LIPC: variants seen among roughly 807,000 people sequenced by gnomAD.
LIPC encodes the protein lipase C, hepatic type, also known as hepatic triacylglycerol lipase.
In LIPC, 44 loss-of-function variants were observed where a neutral mutation model predicts 50.7. That is an observed-to-expected ratio of 0.87 (90% CI 0.68 to 1.11). The LOEUF (loss-of-function observed/expected upper bound fraction) is 1.11, where lower values mean the gene tolerates loss of function less well. LIPC is among the 50% of genes most tolerant of loss of function. The pLI, the probability that LIPC is intolerant of heterozygous loss-of-function variation, is 0.00. For synonymous variants in LIPC, 271 were observed against 256.4 expected (o/e 1.06, Z -0.54); for missense variants, 697 against 648.2 (o/e 1.08, Z -0.82).
intron 1 of LIPC, among the ~76,000 whole-genome samples, chr15:58,447,144 T>A: frequency 2.1e-5 from 1 of 47,148 alleles, no homozygotes; most frequent in Non-Finnish European, 3.6e-5. Flanking sequence ...CTAGACTCCA[T>A]CTCAAAAAAA....
intron 1 of LIPC, among the ~76,000 whole-genome samples, chr15:58,504,517 C>T (rs561273148): frequency 6.6e-6 from 1 of 152,292 alleles, no homozygotes; most frequent in African/African-American, 2.4e-5. Context: ...CAGCACTCAA[C>T]AGGCCAAAAC....
chr15:58,506,667 T>G (rs1269216105), intron 1 of LIPC, among the ~76,000 whole-genome samples: 1 of 152,206 alleles, frequency 6.6e-6, no homozygotes, highest in African/African-American at 2.4e-5. Flanking sequence ...GTATTCTCCC[T>G]GAAGACACAG....
rs1391248827 is a variant in LIPC at position 58,567,214 on chromosome 15, A to AAAAAT, written c.1389-1501_1389-1500insAAATA. On this transcript the variant is annotated intron_variant, in intron 8 of 8. Coordinates refer to ENST00000299022, the MANE Select transcript of LIPC (RefSeq NM_000236.3). ...AGACTCCGTCTCAAAAAAAATAAAA[A>AAAAAT]ATATATATATATATATGTATATATG... 6.6e-5 allele frequency among the ~76,000 whole-genome samples: 9 copies of AAAAAT among 136,744 alleles called. 1 individual carries two copies. Among genetic ancestry groups the AAAAAT allele is most frequent in the African/African-American group, 2.2e-4 (8 of 36,788 alleles). The allele number at this position is 136,744 out of a possible 152,430, so 89.7% of individuals were successfully genotyped here.
chr15:58,491,230 C>G lies in LIPC; in HGVS notation c.89-47103C>G, dbSNP rs1372466089. 2.6e-5 allele frequency among the ~76,000 whole-genome samples: 4 copies of G among 152,182 alleles called. No homozygotes were observed. In the South Asian group the frequency reaches 8.3e-4, roughly 32 times the overall value. Reference sequence around the variant, plus strand: ...ACTGGCCTTTCATGAAATGACAGCACCTGCCAAACACAATAGGGAAATAGT... The same window carrying G: ...ACTGGCCTTTCATGAAATGACAGCAGCTGCCAAACACAATAGGGAAATAGT... On this transcript the variant is annotated intron_variant, in intron 1 of 8. Transcript: ENST00000299022.
chr15:58,434,496 G>A (rs551959460), intron 1 of LIPC, among the ~76,000 whole-genome samples: 1 of 152,322 alleles, frequency 6.6e-6, no homozygotes, highest in East Asian at 1.9e-4. Flanking sequence ...GGGCAGAGCA[G>A]GGAGAGGTAC....
intron 1 of LIPC, among the ~76,000 whole-genome samples, chr15:58,500,549 G>A (rs561690302): frequency 1.4e-4 from 22 of 152,254 alleles, no homozygotes; most frequent in African/African-American, 5.1e-4. Context: ...TCACTTGAGG[G>A]CTGGGAGAAG....
intron 1 of LIPC, among the ~76,000 whole-genome samples, chr15:58,433,819 G>A (rs755084945): frequency 3.9e-5 from 6 of 152,304 alleles, no homozygotes; most frequent in African/African-American, 1.4e-4. Context: ...TAGCAAGAGG[G>A]TTCCTCAGAA....
At position 58,489,491 on chromosome 15, in the gene LIPC, T is replaced by C. The variant is rs548330767; in HGVS notation, c.89-48842T>C. ...ATGGGTGCTGCAGATTGGTTGGGGA[T>C]GAAATCATAGGGTTATGGAAAACGG... is the stretch of plus-strand genomic sequence containing the variant. On this transcript the variant is annotated intron_variant, in intron 1 of 8. Coordinates refer to ENST00000299022, the MANE Select transcript of LIPC (RefSeq NM_000236.3). Among the ~76,000 whole-genome samples the C allele has an allele frequency of 1.6e-3, 248 of 152,138 alleles. 1 individual carries two copies. Among genetic ancestry groups the C allele is most frequent in the Non-Finnish European group, 2.2e-3 (151 of 68,002 alleles).
intron 1 of LIPC, among the ~76,000 whole-genome samples, chr15:58,444,820 C>G (rs1893632974): frequency 6.6e-6 from 1 of 152,220 alleles, no homozygotes; most frequent in East Asian, 1.9e-4. Flanking sequence ...CCATTACACC[C>G]AGCAAACACT....
At chr15:58,444,688 C>A (rs1566908797) in intron 1 of LIPC, among the ~76,000 whole-genome samples, 3 of 152,152 alleles carry the variant, frequency 2.0e-5, no homozygotes. Flanking sequence ...TAAGGCCCAC[C>A]CCAGTGACCT....
chr15:58,491,290 G>A (rs937257832), intron 1 of LIPC, among the ~76,000 whole-genome samples: 1 of 152,154 alleles, frequency 6.6e-6, no homozygotes, highest in East Asian at 1.9e-4. Flanking sequence ...AGTGGTCAGA[G>A]CATGGGAATT....
intron 6 of LIPC, among the ~76,000 whole-genome samples, chr15:58,557,589 G>A (rs1894001066): frequency 6.6e-6 from 1 of 151,912 alleles, no homozygotes; most frequent in South Asian, 2.1e-4. Context: ...GTTTCACCGT[G>A]TTAGCCAGGA....
intron 1 of LIPC, among the ~76,000 whole-genome samples, chr15:58,491,165 C>T (rs115578058): frequency 0.011 from 1,642 of 152,272 alleles, 16 homozygotes; most frequent in African/African-American, 0.036. Flanking sequence ...CACACACGCC[C>T]GCCCCATCGC....
chr15:58,563,361 C>T, intron 7 of LIPC, 144 bp from the exon 8 acceptor site: 1 of 719,678 alleles, frequency 1.4e-6, no homozygotes, highest in Non-Finnish European at 2.5e-6. Context: ...CTAACTCTAT[C>T]AATAGTCTGT....
intron 1 of LIPC, among the ~76,000 whole-genome samples, chr15:58,526,259 G>T (rs941941516): frequency 1.3e-5 from 2 of 152,256 alleles, no homozygotes; most frequent in Admixed American, 1.3e-4. Context: ...ATATCAGGGA[G>T]GCTGTGAGGA....
intron 1 of LIPC, among the ~76,000 whole-genome samples, chr15:58,441,367 G>A (rs1401498741): frequency 1.3e-5 from 2 of 152,224 alleles, no homozygotes; most frequent in Non-Finnish European, 2.9e-5. Flanking sequence ...TCTGAAAAGA[G>A]AACCATTTGG....
intron 1 of LIPC, among the ~76,000 whole-genome samples, chr15:58,496,686 C>T (rs1001295576): frequency 1.4e-5 from 2 of 146,360 alleles, no homozygotes; most frequent in African/African-American, 5.1e-5. Flanking sequence ...ACAATTTAGA[C>T]GAATACTCAC....
chr15:58,565,169 C>A lies in LIPC; in HGVS notation c.1388+1446C>A, dbSNP rs1362334426. ...AATTACTGAGAGCATACTCTGCCGTCTGCCAACAGATCTCCCAACAGGATC... is the reference window on the plus strand; with the variant it reads ...AATTACTGAGAGCATACTCTGCCGTATGCCAACAGATCTCCCAACAGGATC... On this transcript the variant is annotated intron_variant, in intron 8 of 8. Transcript: ENST00000299022. 9.1e-6 allele frequency: 14 copies of A among 1,533,590 alleles called. No homozygotes were observed. In the Admixed American group the frequency reaches 2.0e-4, roughly 21 times the overall value. The allele number at this position is 1,533,590 out of a possible 1,614,324, so 95.0% of individuals were successfully genotyped here.
At chr15:58,436,645 T>TCAA (rs1296759001) in intron 1 of LIPC, 2 of 447,274 alleles carry the variant, frequency 4.5e-6, no homozygotes, top group Non-Finnish European at 9.0e-6. Flanking sequence ...ATACATGAGG[T>TCAA]ATACCACTGA....
Sources: gnomAD v4.1 joint callset for allele counts (sites outside exome capture counted in the v4.1 genomes callset) on GRCh38, gnomAD v4.1.1 for gene constraint, MANE v1.5 for transcripts, NCBI Gene and HGNC (gene_info 2026-07-23, HGNC 2026-07-21) for gene names.